AGBL4: variants seen among roughly 807,000 people sequenced by gnomAD.
AGBL4 encodes the protein cytosolic carboxypeptidase 6.
A neutral mutation model predicts 66.4 loss-of-function variants in AGBL4; 58 were observed. That is an observed-to-expected ratio of 0.87 (90% CI 0.71 to 1.09). The LOEUF (loss-of-function observed/expected upper bound fraction) is 1.09. Among genes scored for constraint, AGBL4 ranks in the 50% least tolerant of loss-of-function variants. The pLI is 0.00. For synonymous variants in AGBL4, 234 were observed against 222.9 expected (o/e 1.05, Z -0.44); for missense variants, 579 against 631.0 (o/e 0.92, Z 0.88).
intron 12 of AGBL4, among the ~76,000 whole-genome samples, chr1:48,537,147 A>T (rs1643986479): frequency 6.6e-6 from 1 of 152,214 alleles, no homozygotes; most frequent in Non-Finnish European, 1.5e-5. Flanking sequence ...GGAAGTATTT[A>T]TATCCCAAAT....
intron 5 of AGBL4, among the ~76,000 whole-genome samples, chr1:48,975,659 C>A (rs1339506015): frequency 1.3e-5 from 2 of 152,104 alleles, no homozygotes; most frequent in East Asian, 1.9e-4. Context: ...TATCCACCAA[C>A]AAGTGAAAAT....
In AGBL4 at chr1:49,084,028, TCATCTC is replaced by T. The variant is rs530687841; in HGVS notation, c.378-38234_378-38229del. 9.2e-5 allele frequency among the ~76,000 whole-genome samples: 14 copies of T among 152,326 alleles called. No individual in the cohort carries two copies. The East Asian group carries it at 2.7e-3, about 29-fold the overall frequency. On this transcript the variant is annotated intron_variant, in intron 4 of 13. Coordinates refer to ENST00000371839, the MANE Select transcript of AGBL4 (RefSeq NM_032785.4). ...TTTGCTCCAGTTCCCAACAAGTTCC[TCATCTC>T]CATCTGAGACCACCTCAGCCTGGAC... is the stretch of plus-strand genomic sequence containing the variant.
intron 4 of AGBL4, among the ~76,000 whole-genome samples, chr1:49,135,446 C>G (rs1013736797): frequency 6.6e-6 from 1 of 152,056 alleles, no homozygotes; most frequent in Admixed American, 6.6e-5. Context: ...GACACACACA[C>G]AGAAATATAG....
intron 3 of AGBL4, among the ~76,000 whole-genome samples, chr1:49,477,138 G>A (rs965809489): frequency 1.3e-5 from 2 of 152,074 alleles, no homozygotes; most frequent in South Asian, 4.1e-4. Flanking sequence ...AGGGCCTTGG[G>A]AACTCACCTC....
At chr1:49,820,729 G>C (rs1645348031) in intron 2 of AGBL4, among the ~76,000 whole-genome samples, 1 of 152,154 alleles carries the variant, frequency 6.6e-6, no homozygotes, top group African/African-American at 2.4e-5. Flanking sequence ...AAATGCTCTA[G>C]TTGCTAATAA....
intron 3 of AGBL4, among the ~76,000 whole-genome samples, chr1:49,626,386 T>G (rs1385113800): frequency 6.6e-6 from 1 of 152,130 alleles, no homozygotes; most frequent in Non-Finnish European, 1.5e-5. Context: ...TTTTTCTATT[T>G]CATACCTGTA....
chr1:48,598,762 C>A (rs1645033371), intron 9 of AGBL4, among the ~76,000 whole-genome samples: 1 of 151,936 alleles, frequency 6.6e-6, no homozygotes, highest in Non-Finnish European at 1.5e-5. Flanking sequence ...AGGTGTCAGC[C>A]ACCACGCCTG....
chr1:49,808,058 T>C (rs1235502663), intron 2 of AGBL4, among the ~76,000 whole-genome samples: 1 of 152,198 alleles, frequency 6.6e-6, no homozygotes. Context: ...TACTTTGTTA[T>C]AGCAACCTAA....
chr1:49,965,700 T>C lies in AGBL4; in HGVS notation c.34+58063A>G, dbSNP rs375076258. Among the ~76,000 whole-genome samples the C allele has an allele frequency of 3.3e-4, 51 of 152,298 alleles. 1 individual carries two copies. In the South Asian group the frequency reaches 9.3e-3, roughly 28 times the overall value. On this transcript the variant is annotated intron_variant, in intron 1 of 13. Coordinates refer to ENST00000371839, the MANE Select transcript of AGBL4 (RefSeq NM_032785.4). ...ATAACTATGATGTCATTGTCCAACCTTTCTATAGGAAAGACTGCACATTGC... is the reference window on the plus strand; with the variant it reads ...ATAACTATGATGTCATTGTCCAACCCTTCTATAGGAAAGACTGCACATTGC...
chr1:48,895,770 C>A (rs1651446840), intron 5 of AGBL4, among the ~76,000 whole-genome samples: 1 of 152,132 alleles, frequency 6.6e-6, no homozygotes, highest in South Asian at 2.1e-4. Context: ...CAGAAGAGCT[C>A]ATCCATTCTG....
At chr1:49,498,739 T>A (rs1647845292) in intron 3 of AGBL4, among the ~76,000 whole-genome samples, 1 of 151,972 alleles carries the variant, frequency 6.6e-6, no homozygotes, top group Non-Finnish European at 1.5e-5. Context: ...TTGAAGTACA[T>A]TCCTCTTATA....
At chr1:48,780,486 A>C (rs540847956) in intron 6 of AGBL4, among the ~76,000 whole-genome samples, 5 of 152,136 alleles carry the variant, frequency 3.3e-5, no homozygotes, top group Non-Finnish European at 4.4e-5. Flanking sequence ...TCCTAAGCAA[A>C]AAGAACAAAA....
chr1:49,601,096 A>G (rs1644949723), intron 3 of AGBL4, among the ~76,000 whole-genome samples: 1 of 151,870 alleles, frequency 6.6e-6, no homozygotes, highest in Admixed American at 6.6e-5. Context: ...GAATCTGACA[A>G]TTGTGTTTCT....
intron 5 of AGBL4, among the ~76,000 whole-genome samples, chr1:49,011,609 T>C (rs950255504): frequency 1.3e-5 from 2 of 151,964 alleles, no homozygotes; most frequent in African/African-American, 2.4e-5. Context: ...CTATTCACAA[T>C]AGCAAAGACT....
chr1:49,678,393 T>A (rs903250585), intron 3 of AGBL4, among the ~76,000 whole-genome samples: 1 of 152,160 alleles, frequency 6.6e-6, no homozygotes, highest in African/African-American at 2.4e-5. Context: ...TCATTTCTTT[T>A]GATCTTTTCA....
chr1:48,628,968 G>A (rs549017836), intron 9 of AGBL4, among the ~76,000 whole-genome samples: 17 of 84,370 alleles, frequency 2.0e-4, no homozygotes, highest in African/African-American at 6.7e-4. Flanking sequence ...AGCTTCTCCC[G>A]ACTGGGACTC....
At chr1:49,786,489 T>C (rs1205396089) in intron 2 of AGBL4, among the ~76,000 whole-genome samples, 2 of 152,164 alleles carry the variant, frequency 1.3e-5, no homozygotes, top group East Asian at 3.8e-4. Context: ...ATTTTAAAGG[T>C]TAAGTATACC....
chr1:49,547,025 A>G (rs1474666492), intron 3 of AGBL4, among the ~76,000 whole-genome samples: 1 of 152,128 alleles, frequency 6.6e-6, no homozygotes, highest in East Asian at 1.9e-4. Flanking sequence ...CCCAACTTTT[A>G]TCTTTGTCTT....
At position 49,499,844 on chromosome 1, in the gene AGBL4, A is replaced by G. The variant is rs190741427; in HGVS notation, c.282+197469T>C. Among the ~76,000 whole-genome samples the G allele has an allele frequency of 2.0e-3, 305 of 152,038 alleles. 3 individuals carry two copies. The highest frequency in any genetic ancestry group is 0.01 in the South Asian group (49 of 4,818). ...GAGAATTGTGCTGCTGTAAACATGCATGTGCAAGTGTCTATCATATAGTGA... is the reference window on the plus strand; with the variant it reads ...GAGAATTGTGCTGCTGTAAACATGCGTGTGCAAGTGTCTATCATATAGTGA... On this transcript the variant is annotated intron_variant, in intron 3 of 13. Transcript: ENST00000371839.
Sources: allele counts gnomAD v4.1 joint callset (sites outside exome capture counted in the v4.1 genomes callset), GRCh38; gene constraint gnomAD v4.1.1; transcripts MANE v1.5; gene names NCBI Gene and HGNC (gene_info 2026-07-23, HGNC 2026-07-21).